EIF2AK4: variants seen among roughly 807,000 people sequenced by gnomAD.
EIF2AK4 encodes eIF-2-alpha kinase GCN2.
EIF2AK4 carries 139 observed loss-of-function variants against 211.1 expected under a neutral mutation model. The ratio of observed to expected loss-of-function variants is 0.66; its 90% CI spans 0.57 to 0.76. The LOEUF (loss-of-function observed/expected upper bound fraction) is 0.76. EIF2AK4 is among the 30% of genes least tolerant of loss of function. The pLI, the probability that EIF2AK4 is intolerant of heterozygous loss-of-function variation, is 0.00. For synonymous variants in EIF2AK4, 710 were observed against 751.3 expected, an observed-to-expected ratio of 0.94 and a Z score of 0.90; for missense variants, 1,664 against 2,043.8, an observed-to-expected ratio of 0.81 and a Z score of 3.58.
In EIF2AK4 at chr15:39,954,000, C is replaced by T. The variant is rs1055280109; in HGVS notation, c.594+16C>T. The T allele has an allele frequency of 4.5e-6, 7 of 1,549,506 alleles. No individual in the cohort carries two copies. The Admixed American group carries it at 6.2e-5, about 14-fold the overall frequency. ...GGCTAAGCAGGTACCCTATCAACTC[C>T]ACCATAATAATTTACATTTTGCAAA... On this transcript the variant is annotated intron_variant, in intron 5 of 38. Transcript: ENST00000263791.
chr15:40,025,873 C>A (rs2035459729), intron 32 of EIF2AK4, 104 bp from the exon 33 acceptor site: 3 of 1,130,858 alleles, frequency 2.7e-6, no homozygotes, highest in Non-Finnish European at 2.5e-6. Context: ...TGGTTAAGAA[C>A]CACTGACCCA....
Position 39,943,459 on chromosome 15 carries a change from G to A in EIF2AK4, c.334G>A (p.Glu112Lys). The change falls in exon 3 of 39, where the codon GAA becomes AAA. Residue 112 changes from glutamate to lysine, a missense_variant. This residue lies in a region of EIF2AK4 where 641 missense variants were observed against 729.6 expected (regional missense o/e 0.88). Transcript: ENST00000263791. ...CAATTTGTTAAAATCTCGCCTAGAA[G>A]AACTGGCCAAGAAACACTGTGGGGA... ...SVNLLKSRLE[E>K]LAKKHCGEVM... The A allele has an allele frequency of 6.4e-7, 1 of 1,570,726 alleles. No homozygotes were observed. Among genetic ancestry groups the A allele is most frequent in the Non-Finnish European group, 8.6e-7 (1 of 1,164,660 alleles).
intron 29 of EIF2AK4, among the ~76,000 whole-genome samples, chr15:40,018,022 G>GA (rs1390263035): frequency 6.6e-6 from 1 of 152,046 alleles, no homozygotes; most frequent in East Asian, 1.9e-4. Flanking sequence ...CAATTCAAAT[G>GA]AAATGTAGAA....
intron 2 of EIF2AK4, among the ~76,000 whole-genome samples, 159 bp downstream of exon 2, chr15:39,939,776 T>C (rs527497749): frequency 1.3e-5 from 2 of 152,376 alleles, no homozygotes; most frequent in African/African-American, 4.8e-5. Flanking sequence ...ATAGATGTTT[T>C]CATGAAACCT....
chr15:40,029,195 C>A, intron 33 of EIF2AK4: 1 of 511,672 alleles, frequency 2.0e-6, no homozygotes, highest in Non-Finnish European at 2.5e-6. Flanking sequence ...CATTTGTTAA[C>A]TTAAAAAGAC....
chr15:39,940,450 T>C (rs2034129386), intron 2 of EIF2AK4, among the ~76,000 whole-genome samples: 2 of 152,110 alleles, frequency 1.3e-5, no homozygotes, highest in Non-Finnish European at 2.9e-5. Flanking sequence ...GTGGTAAATT[T>C]ATGGAATTTA....
chr15:40,007,016 A>C lies in EIF2AK4; in HGVS notation c.3358A>C (p.Ile1120Leu). ...MLVMLPFDLR[I>L]PFARYVARNN... ...CTTTCATATTTTGTTTATTTTTCAG[A>C]TCCCTTTTGCAAGATATGTGGCAAG... Residue 1120 changes from isoleucine (I) to leucine (L), a missense_variant and splice_region_variant, in exon 24 of 39, where the codon ATC becomes CTC. By Grantham distance (5) the Ile-to-Leu change is conservative. This residue lies in a region of EIF2AK4 where 622 missense variants were observed against 796.8 expected (regional missense o/e 0.78). Transcript: ENST00000263791. 1.3e-6 allele frequency: 2 copies of C among 1,594,130 alleles called. No individual in the cohort carries two copies. Among genetic ancestry groups the C allele is most frequent in the Non-Finnish European group, 1.7e-6 (2 of 1,163,680 alleles).
chr15:40,030,351 G>A lies in EIF2AK4; in HGVS notation c.4562-8G>A. On this transcript the variant is annotated splice_polypyrimidine_tract_variant and splice_region_variant and intron_variant, in intron 34 of 38. Transcript: ENST00000263791. ...AGGCCATAAATTCTGAAACTCTCTT[G>A]GTCTCAGGTTTGTTTGAAATCCATG... The A allele has an allele frequency of 6.2e-7, 1 of 1,613,382 alleles. No homozygotes were observed.
At chr15:40,021,159 G>A in intron 31 of EIF2AK4, 132 bp downstream of exon 31, 1 of 1,020,932 alleles carries the variant, frequency 9.8e-7, no homozygotes, top group Non-Finnish European at 1.4e-6. Flanking sequence ...GTTAGTTTCT[G>A]ATTGCTGCAG....
At position 39,949,272 on chromosome 15, in the gene EIF2AK4, A is replaced by G; in HGVS notation, c.513+4A>G. On this transcript the variant is annotated splice_donor_region_variant and intron_variant, in intron 4 of 38. Transcript: ENST00000263791. Reference sequence around the variant, plus strand: ...CAAGCGGAAAGAAGAGCAGGAGGTGAGATGCCCTTGTCGATGTCTGTGTGC... The same window carrying G: ...CAAGCGGAAAGAAGAGCAGGAGGTGGGATGCCCTTGTCGATGTCTGTGTGC... 6.2e-7 allele frequency: 1 copy of G among 1,613,602 alleles called. No homozygotes were observed. The highest frequency in any genetic ancestry group is 2.2e-5 in the East Asian group (1 of 44,864).
chr15:39,980,908 T>G (rs1214244524), intron 13 of EIF2AK4, among the ~76,000 whole-genome samples: 3 of 152,210 alleles, frequency 2.0e-5, no homozygotes, highest in Non-Finnish European at 2.9e-5. Flanking sequence ...TTACAAGGGT[T>G]CATTCATAGT....
rs200128941 is a variant in EIF2AK4 at position 39,977,131 on chromosome 15, T to TCAAAAA, written c.2249+287_2249+288insCAAAAA. On this transcript the variant is annotated intron_variant, in intron 12 of 38. Transcript: ENST00000263791. ...AGAAATCCAGACGTGTTGACCATGT[T>TCAAAAA]TAAAAACAAAAACAAAAACAAAACA... is the stretch of plus-strand genomic sequence containing the variant. The TCAAAAA allele has an allele frequency of 0.48, 158,625 of 332,004 alleles. 37,928 individuals are homozygous for TCAAAAA. The highest frequency in any genetic ancestry group is 0.5 in the Non-Finnish European group (92,795 of 186,056). The allele number at this position is 332,004 out of a possible 1,614,324, so 20.6% of individuals were successfully genotyped here.
intron 26 of EIF2AK4, among the ~76,000 whole-genome samples, chr15:40,011,012 C>G (rs1409222241): frequency 1.3e-5 from 2 of 152,202 alleles, no homozygotes; most frequent in African/African-American, 4.8e-5. Context: ...TTAAGCCTGT[C>G]CAGATTTGGG....
In EIF2AK4 at chr15:39,987,988, G is replaced by A; in HGVS notation, c.2409G>A (p.Glu803=). ...CCTGGTTTGTCTGTATATAGATGGA[G>A]TACTGTGAGAAGAGCACTTTACGAG... The part of the protein sequence containing the change: ...EAVHYLYIQM[E]YCEKSTLRDT... The change falls in exon 15 of 39, where the codon GAG becomes GAA. Residue 803 remains glutamate, a synonymous_variant. Coordinates refer to ENST00000263791, the MANE Select transcript of EIF2AK4 (RefSeq NM_001013703.4). The A allele has an allele frequency of 6.2e-7, 1 of 1,614,120 alleles. No individual in the cohort carries two copies. Among genetic ancestry groups the A allele is most frequent in the Non-Finnish European group, 8.5e-7 (1 of 1,180,008 alleles).
chr15:39,984,855 C>A (rs930011874), intron 13 of EIF2AK4, among the ~76,000 whole-genome samples: 3 of 152,192 alleles, frequency 2.0e-5, no homozygotes, highest in African/African-American at 7.2e-5. Flanking sequence ...CTTTCTCTTG[C>A]CTGATTGCCC....
At chr15:39,943,610 T>A in intron 3 of EIF2AK4, 125 bp downstream of exon 3, 1 of 743,768 alleles carries the variant, frequency 1.3e-6, no homozygotes, top group Non-Finnish European at 2.2e-6. Context: ...TGATTTTTAT[T>A]TATTTAATAG....
intron 37 of EIF2AK4, 94 bp downstream of exon 37, chr15:40,032,895 A>G (rs1303218590): frequency 9.5e-7 from 1 of 1,053,874 alleles, no homozygotes; most frequent in South Asian, 1.7e-5. Context: ...TTCATTAGTG[A>G]TAGTATTTTT....
In EIF2AK4 at chr15:39,972,909, T is replaced by A; in HGVS notation, c.1555T>A (p.Cys519Ser). ...PADFQDFLKKCVCLDDKERWS... is the reference protein window; with the variant it reads ...PADFQDFLKKSVCLDDKERWS... ...GATTCTTCCTTCCCTCTCACCGAGA[T>A]GTGTGTGCTTGGATGACAAGGAAAG... The change falls in exon 10 of 39, where the codon TGT becomes AGT. Residue 519 changes from cysteine (C) to serine (S), a missense_variant and splice_region_variant. Physicochemically the swap from Cys to Ser is moderately radical, Grantham distance 112 (BLOSUM62 -1). This residue lies in a region of EIF2AK4 where 641 missense variants were observed against 729.6 expected (regional missense o/e 0.88). Transcript: ENST00000263791. The A allele has an allele frequency of 6.2e-7, 1 of 1,613,206 alleles. No individual in the cohort carries two copies. Among genetic ancestry groups the A allele is most frequent in the Non-Finnish European group, 8.5e-7 (1 of 1,179,454 alleles).
Position 39,992,624 on chromosome 15 carries a change from G to T in EIF2AK4, c.2687-145G>T, listed in dbSNP as rs140884750. The T allele has an allele frequency of 1.3e-4, 84 of 671,318 alleles. No homozygotes were observed. In the African/African-American group the frequency reaches 1.5e-3, roughly 12 times the overall value. 41.6% of individuals were successfully genotyped at this position (671,318 alleles called of 1,614,324 possible). On this transcript the variant is annotated intron_variant, in intron 17 of 38. Transcript: ENST00000263791. ...TACGTGACTTATGGTTATTCATTTG[G>T]TACAATGCATGCTCTGCTTCCTGTG...
Sources: gnomAD v4.1 joint callset for allele counts (sites outside exome capture counted in the v4.1 genomes callset) on GRCh38, gnomAD v4.1.1 for gene constraint, gnomAD v4.1.1 regional missense constraint, MANE v1.5 for transcripts, NCBI Gene and HGNC (gene_info 2026-07-23, HGNC 2026-07-21) for gene names.